The following NAV3 variants were observed in gnomAD, a reference collection of about 807,000 sequenced individuals.
The protein encoded by NAV3 is pore membrane and/or filament interacting like protein 1.
In NAV3, 87 loss-of-function variants were observed where a neutral mutation model predicts 244.7. That is an observed-to-expected ratio of 0.36 (90% CI 0.30 to 0.42). The LOEUF is 0.42. Ranked by LOEUF, NAV3 falls within the 20% of genes least tolerant of loss-of-function variation. The pLI is 1.00. For synonymous variants in NAV3, 1,126 were observed against 1,042.2 expected (o/e 1.08, Z -1.55); for missense variants, 2,663 against 2,893.3 (o/e 0.92, Z 1.83).
intron 8 of NAV3, among the ~76,000 whole-genome samples, chr12:78,009,574 C>G (rs1213786019): frequency 6.6e-6 from 1 of 151,308 alleles, no homozygotes; most frequent in African/African-American, 2.4e-5. Context: ...CACCACTGAT[C>G]AGTTGTGTTA....
chr12:77,922,357 C>T (rs955158918), intron 1 of NAV3, among the ~76,000 whole-genome samples: 9 of 152,004 alleles, frequency 5.9e-5, no homozygotes, highest in African/African-American at 1.7e-4. Flanking sequence ...AACAGCTTTT[C>T]GGGTCATTCG....
chr12:78,001,668 G>A (rs1240418585), intron 7 of NAV3, among the ~76,000 whole-genome samples: 2 of 152,082 alleles, frequency 1.3e-5, no homozygotes, highest in Non-Finnish European at 2.9e-5. Flanking sequence ...AAAAAATAGT[G>A]TGCTCGTTTT....
At chr12:78,137,138 A>G in intron 18 of NAV3, 39 bp from the exon 19 acceptor site, 1 of 1,548,158 alleles carries the variant, frequency 6.5e-7, no homozygotes, top group Non-Finnish European at 8.7e-7. Context: ...TCATCTTTCA[A>G]GCTTAAGAGT....
chr12:78,078,342 C>T (rs1953159562), intron 12 of NAV3, among the ~76,000 whole-genome samples: 1 of 131,930 alleles, frequency 7.6e-6, no homozygotes, highest in Non-Finnish European at 1.6e-5. Flanking sequence ...ACCCAAGTAA[C>T]AAGTATGAGA....
At chr12:77,712,647 A>G (rs571200175) in intron 2 of NAV3, among the ~76,000 whole-genome samples, 8 of 152,316 alleles carry the variant, frequency 5.3e-5, no homozygotes, top group Non-Finnish European at 1.0e-4. Context: ...GATTCTTAGC[A>G]ACTGATAACT....
intron 1 of NAV3, among the ~76,000 whole-genome samples, chr12:77,861,111 T>C (rs924789442): frequency 1.1e-4 from 16 of 152,032 alleles, no homozygotes; most frequent in African/African-American, 3.6e-4. Flanking sequence ...ACCATGATTG[T>C]CTCCTATGTA....
intron 2 of NAV3, among the ~76,000 whole-genome samples, chr12:77,786,307 T>A (rs1870904020): frequency 6.6e-6 from 1 of 152,144 alleles, no homozygotes; most frequent in African/African-American, 2.4e-5. Context: ...TCCTAAAACT[T>A]GATGTTTTTG....
intron 2 of NAV3, among the ~76,000 whole-genome samples, chr12:77,659,778 C>T (rs904048583): frequency 1.3e-5 from 2 of 152,076 alleles, no homozygotes; most frequent in African/African-American, 4.8e-5. Context: ...TACTATGCAG[C>T]CATAAAAAAT....
At chr12:77,711,941 A>G (rs1418698606) in intron 2 of NAV3, among the ~76,000 whole-genome samples, 1 of 152,122 alleles carries the variant, frequency 6.6e-6, no homozygotes, top group South Asian at 2.1e-4. Flanking sequence ...CTCTACTTCC[A>G]ATGAACTCAC....
At chr12:77,799,079 T>A (rs913560868) in intron 2 of NAV3, among the ~76,000 whole-genome samples, 4 of 152,184 alleles carry the variant, frequency 2.6e-5, no homozygotes, top group Admixed American at 6.5e-5. Context: ...TTGGGCCACA[T>A]GTCTATAGCA....
chr12:78,020,951 G>A (rs534631132), intron 8 of NAV3, among the ~76,000 whole-genome samples: 9 of 152,188 alleles, frequency 5.9e-5, no homozygotes, highest in South Asian at 2.1e-4. Flanking sequence ...AGTTCATGCC[G>A]TGAACATTTA....
At chr12:78,078,426 C>G (rs61936209) in intron 12 of NAV3, among the ~76,000 whole-genome samples, 31 of 105,396 alleles carry the variant, frequency 2.9e-4, no homozygotes, top group African/African-American at 8.9e-4. Context: ...GACGGAGTCT[C>G]GCTCTGTCGC....
intron 9 of NAV3, chr12:78,036,434 GA>G (rs985999628): frequency 6.0e-4 from 95 of 158,038 alleles, no homozygotes; most frequent in South Asian, 1.7e-3. Context: ...GCAGGGGAAA[GA>G]AAAAAAAAAG....
intron 2 of NAV3, among the ~76,000 whole-genome samples, chr12:77,805,114 CAG>C (rs1406173329): frequency 1.3e-5 from 2 of 152,180 alleles, no homozygotes; most frequent in Non-Finnish European, 2.9e-5. Context: ...CATCTGCAAA[CAG>C]AGACAATTTG....
intron 24 of NAV3, among the ~76,000 whole-genome samples, chr12:78,169,890 T>C (rs991836877): frequency 2.0e-5 from 3 of 151,828 alleles, no homozygotes; most frequent in Non-Finnish European, 4.4e-5. Context: ...CGTGACATCA[T>C]ACATTCTTGG....
chr12:78,121,012 C>T (rs1020508112), intron 15 of NAV3, among the ~76,000 whole-genome samples: 5 of 152,036 alleles, frequency 3.3e-5, no homozygotes, highest in African/African-American at 1.2e-4. Flanking sequence ...TGAATTATGG[C>T]GTATAGGGAG....
chr12:78,190,135 T>G lies in NAV3; in HGVS notation c.6207T>G (p.Leu2069=). 6.2e-7 allele frequency: 1 copy of G among 1,613,096 alleles called. No homozygotes were observed. Among genetic ancestry groups the G allele is most frequent in the East Asian group, 2.2e-5 (1 of 44,710 alleles). ...GAAAGACCTATTTGGCAAACAAACT[T>G]GCTGAATATGTAATAACCAAATCTG... ...GTGKTYLANK[L]AEYVITKSGR... The change falls in exon 34 of 40, where the codon CTT becomes CTG. Residue 2069 remains leucine (L), a synonymous_variant. Coordinates refer to ENST00000397909, the MANE Select transcript of NAV3 (RefSeq NM_001024383.2).
intron 2 of NAV3, among the ~76,000 whole-genome samples, chr12:77,782,984 T>A (rs1161249369): frequency 6.6e-6 from 1 of 152,150 alleles, no homozygotes; most frequent in Non-Finnish European, 1.5e-5. Context: ...GGGAGGGAGC[T>A]TGGGAAGAAA....
intron 2 of NAV3, among the ~76,000 whole-genome samples, chr12:77,702,066 C>T (rs1875586599): frequency 6.6e-6 from 1 of 151,760 alleles, no homozygotes; most frequent in Non-Finnish European, 1.5e-5. Context: ...ATTAATATCT[C>T]CAATGATAAT....
Sources: allele counts gnomAD v4.1 joint callset (sites outside exome capture counted in the v4.1 genomes callset), GRCh38; gene constraint gnomAD v4.1.1; transcripts MANE v1.5; gene names NCBI Gene and HGNC (gene_info 2026-07-23, HGNC 2026-07-21).